Variants in KDM4C observed in about 807,000 individuals in gnomAD.
KDM4C encodes the protein lysine demethylase 4C.
In KDM4C, 81 loss-of-function variants were observed where a neutral mutation model predicts 129.3. The ratio of observed to expected loss-of-function variants is 0.63; its 90% CI spans 0.52 to 0.75. KDM4C has a LOEUF of 0.75. Among genes scored for constraint, KDM4C ranks in the 30% least tolerant of loss-of-function variants. The pLI is 0.00. For synonymous variants in KDM4C, 573 were observed against 456.1 expected (o/e 1.26, Z -3.26); for missense variants, 1,457 against 1,304.0 (o/e 1.12, Z -1.81).
chr9:7,071,334 C>T (rs1833165345), intron 17 of KDM4C, among the ~76,000 whole-genome samples: 1 of 151,926 alleles, frequency 6.6e-6, no homozygotes, highest in Non-Finnish European at 1.5e-5. Context: ...AAGGGAAAGC[C>T]AAAATAATTT....
chr9:6,830,799 C>G (rs1249752521), intron 4 of KDM4C, among the ~76,000 whole-genome samples: 1 of 152,166 alleles, frequency 6.6e-6, no homozygotes, highest in Non-Finnish European at 1.5e-5. Flanking sequence ...CTCAGTAGCA[C>G]CAGCCCTCTG....
At chr9:7,013,401 T>G (rs7854837) in intron 13 of KDM4C, among the ~76,000 whole-genome samples, 11,034 of 152,190 alleles carry the variant, frequency 0.073, 526 homozygotes, top group African/African-American at 0.14. Context: ...AGATTAAAAC[T>G]GGGGTCTTTG....
intron 12 of KDM4C, among the ~76,000 whole-genome samples, chr9:7,002,278 A>C (rs150554125): frequency 6.6e-6 from 1 of 152,154 alleles, no homozygotes; most frequent in African/African-American, 2.4e-5. Flanking sequence ...TACCTAGCAT[A>C]TGGTGAATTT....
intron 8 of KDM4C, among the ~76,000 whole-genome samples, chr9:6,949,518 A>G (rs368768139): frequency 7.2e-5 from 11 of 152,194 alleles, no homozygotes; most frequent in South Asian, 2.1e-4. Flanking sequence ...GTAGCGAGCC[A>G]AGATCACGCC....
chr9:6,852,807 T>C (rs1407613068), intron 5 of KDM4C, among the ~76,000 whole-genome samples: 1 of 152,204 alleles, frequency 6.6e-6, no homozygotes, highest in East Asian at 1.9e-4. Flanking sequence ...CCCTCCTTAC[T>C]TACGGGCCCA....
At chr9:6,890,748 C>G (rs996391549) in intron 7 of KDM4C, among the ~76,000 whole-genome samples, 1 of 152,128 alleles carries the variant, frequency 6.6e-6, no homozygotes, top group African/African-American at 2.4e-5. Flanking sequence ...GCAGTCCTCC[C>G]TCTCCTCTCA....
At chr9:7,082,516 CA>C (rs1441878418) in intron 17 of KDM4C, among the ~76,000 whole-genome samples, 1 of 152,198 alleles carries the variant, frequency 6.6e-6, no homozygotes, top group South Asian at 2.1e-4. Flanking sequence ...ATGGCTTTTT[CA>C]GTAGCCTTAT....
intron 8 of KDM4C, among the ~76,000 whole-genome samples, chr9:6,959,837 A>T (rs1381266656): frequency 6.6e-6 from 1 of 152,072 alleles, no homozygotes. Context: ...TTAATTTATC[A>T]CCAGGCATGT....
intron 1 of KDM4C, among the ~76,000 whole-genome samples, chr9:6,771,731 T>C (rs1287800105): frequency 6.6e-6 from 1 of 152,166 alleles, no homozygotes; most frequent in East Asian, 1.9e-4. Context: ...AAAGTCACAA[T>C]GTAGAATTGC....
Position 7,013,828 on chromosome 9 carries a change from C to G in KDM4C, c.2009C>G (p.Thr670Arg). ...GAAGAAAATGATGCTAGATGGGAGACAAAATTAGATGAAGTCGTTACATCG... is the reference window on the plus strand; with the variant it reads ...GAAGAAAATGATGCTAGATGGGAGAGAAAATTAGATGAAGTCGTTACATCG... Reference protein sequence around the residue: ...SNEENDARWETKLDEVVTSEG... With the variant: ...SNEENDARWERKLDEVVTSEG... The change falls in exon 14 of 22, where the codon ACA (threonine) becomes AGA (arginine). Residue 670 changes from threonine (T) to arginine (R), a missense_variant. By Grantham distance (71) the Thr-to-Arg change is moderately conservative. Transcript: ENST00000381309. 1 of 1,613,900 alleles carries G rather than the reference C, an allele frequency of 6.2e-7. No homozygotes were observed. Among genetic ancestry groups the G allele is most frequent in the Non-Finnish European group, 8.5e-7 (1 of 1,179,866 alleles).
intron 11 of KDM4C, among the ~76,000 whole-genome samples, chr9:6,988,517 C>CTG (rs1818146504): frequency 9.0e-6 from 1 of 111,288 alleles, no homozygotes; most frequent in Non-Finnish European, 2.1e-5. Flanking sequence ...TTGGATAACT[C>CTG]CTAGATGTAA....
chr9:6,803,354 C>T (rs776346096), intron 2 of KDM4C, among the ~76,000 whole-genome samples: 3 of 151,948 alleles, frequency 2.0e-5, no homozygotes, highest in Admixed American at 1.3e-4. Flanking sequence ...GGTCGGATCA[C>T]GCTGTCAAGA....
intron 8 of KDM4C, among the ~76,000 whole-genome samples, chr9:6,968,113 A>G (rs901623429): frequency 6.6e-6 from 1 of 152,214 alleles, no homozygotes; most frequent in Non-Finnish European, 1.5e-5. Flanking sequence ...TCTATTAATT[A>G]TGTTTTAAAA....
intron 8 of KDM4C, among the ~76,000 whole-genome samples, chr9:6,960,953 G>A (rs1291251020): frequency 2.0e-5 from 3 of 152,142 alleles, no homozygotes; most frequent in Non-Finnish European, 4.4e-5. Flanking sequence ...ATCCATACAC[G>A]CATTGTGAAA....
chr9:7,161,572 C>G (rs1843797908), intron 19 of KDM4C, among the ~76,000 whole-genome samples: 1 of 152,272 alleles, frequency 6.6e-6, no homozygotes, highest in Non-Finnish European at 1.5e-5. Flanking sequence ...TAGATCTCCC[C>G]CCTTGCAAGG....
intron 17 of KDM4C, among the ~76,000 whole-genome samples, chr9:7,057,262 A>G (rs1380805185): frequency 1.3e-5 from 2 of 152,268 alleles, no homozygotes; most frequent in Non-Finnish European, 2.9e-5. Flanking sequence ...TGGTCCCACA[A>G]TTAAGTGAAG....
At chr9:7,151,284 G>A (rs956467812) in intron 19 of KDM4C, among the ~76,000 whole-genome samples, 8 of 149,326 alleles carry the variant, frequency 5.4e-5, no homozygotes, top group South Asian at 2.1e-4. Context: ...TTGGCCAAGT[G>A]TGACTGGTGG....
At chr9:6,963,497 G>A (rs1002216819) in intron 8 of KDM4C, among the ~76,000 whole-genome samples, 3 of 152,172 alleles carry the variant, frequency 2.0e-5, no homozygotes, top group Non-Finnish European at 2.9e-5. Context: ...GTTGTTTGTG[G>A]TAGGGGAGCT....
chr9:6,772,486 C>G (rs1822072187), intron 1 of KDM4C, among the ~76,000 whole-genome samples: 2 of 152,040 alleles, frequency 1.3e-5, no homozygotes, highest in African/African-American at 2.4e-5. Flanking sequence ...CTCATCCTCC[C>G]AAGTAGGTGG....
Sources: allele counts gnomAD v4.1 joint callset (sites outside exome capture counted in the v4.1 genomes callset), GRCh38; gene constraint gnomAD v4.1.1; transcripts MANE v1.5; gene names NCBI Gene and HGNC (gene_info 2026-07-23, HGNC 2026-07-21).